The following TRAPPC3L variants were observed in gnomAD, a reference collection of about 807,000 sequenced individuals.
The protein encoded by TRAPPC3L is trafficking protein particle complex subunit 3L, also known as trafficking protein particle complex subunit 3-like protein.
Under a neutral mutation model 23.7 loss-of-function variants are expected in TRAPPC3L, and 23 were observed. The observed-to-expected ratio is 0.97, with a 90% CI of 0.70 to 1.37. The LOEUF (loss-of-function observed/expected upper bound fraction) is 1.37. Ranked by LOEUF, TRAPPC3L falls within the 40% of genes most tolerant of loss-of-function variation. The pLI is 0.00. For missense variants in TRAPPC3L, 212 were observed against 216.8 expected (o/e 0.98, Z 0.14); for synonymous variants, 81 against 77.9 (o/e 1.04, Z -0.21).
At chr6:116,530,503 C>A (rs929658893) in intron 3 of TRAPPC3L, among the ~76,000 whole-genome samples, 4 of 152,114 alleles carry the variant, frequency 2.6e-5, no homozygotes, top group African/African-American at 9.7e-5. Flanking sequence ...CAAAGGGAAA[C>A]CTAATACTAC....
At chr6:116,535,011 G>A (rs12214460) in intron 3 of TRAPPC3L, among the ~76,000 whole-genome samples, 46,454 of 152,078 alleles carry the variant, frequency 0.31, 8,757 homozygotes, top group Middle Eastern at 0.5. Flanking sequence ...ACATGGACCT[G>A]AGAGCAAAAA....
chr6:116,522,838 C>T (rs1277651398), intron 3 of TRAPPC3L: 1 of 152,044 alleles, frequency 6.6e-6, no homozygotes, highest in African/African-American at 2.4e-5. Context: ...AATGCAGAAT[C>T]AGACAGTATC....
chr6:116,510,264 T>C (rs911359153), intron 3 of TRAPPC3L, among the ~76,000 whole-genome samples: 2 of 152,058 alleles, frequency 1.3e-5, no homozygotes, highest in Non-Finnish European at 2.9e-5. Flanking sequence ...AAAAACAGTA[T>C]GGAGATTTCT....
At chr6:116,511,785 G>C (rs1319552107) in intron 3 of TRAPPC3L, 2 of 1,614,100 alleles carry the variant, frequency 1.2e-6, no homozygotes, top group Non-Finnish European at 1.7e-6. Flanking sequence ...ACCGTGGGAA[G>C]TGAGCGTCTC....
In TRAPPC3L at chr6:116,498,072, C is replaced by A. The variant is rs114825163; in HGVS notation, c.427-999G>T. Among the ~76,000 whole-genome samples the A allele has an allele frequency of 1.4e-3, 208 of 152,328 alleles. 1 individual carries two copies. The highest frequency in any genetic ancestry group is 4.8e-3 in the African/African-American group (201 of 41,580). The stretch of plus-strand genomic sequence containing the variant: ...AAGCAACATTCATCCTCAACTTTTT[C>A]TTCCATAAGACTTTTTAAGTCTTTG... On this transcript the variant is annotated intron_variant, in intron 4 of 4. Coordinates refer to ENST00000368602, the MANE Select transcript of TRAPPC3L (RefSeq NM_001139444.3).
Position 116,500,617 on chromosome 6 carries a change from T to C in TRAPPC3L, c.290A>G (p.Asn97Ser), listed in dbSNP as rs1227309449. The C allele has an allele frequency of 6.4e-7, 1 of 1,551,642 alleles. No individual in the cohort carries two copies. Residue 97 changes from asparagine to serine, a missense_variant, in exon 4 of 5, where the codon AAT (asparagine) becomes AGT (serine). Physicochemically the swap from Asn to Ser is conservative, Grantham distance 46 (BLOSUM62 1). Coordinates refer to ENST00000368602, the MANE Select transcript of TRAPPC3L (RefSeq NM_001139444.3). ...LGITPSVTCN[N>S]SSKNEFSLIL... Reference sequence around the variant, plus strand: ...CAGGGAAAATTCATTTTTGCTTGAATTGTTACAGGTCACACTTGGTGTAAT... The same window carrying C: ...CAGGGAAAATTCATTTTTGCTTGAACTGTTACAGGTCACACTTGGTGTAAT...
chr6:116,502,030 A>C (rs555262883), intron 3 of TRAPPC3L, among the ~76,000 whole-genome samples: 17 of 152,348 alleles, frequency 1.1e-4, no homozygotes, highest in Admixed American at 1.3e-4. Flanking sequence ...TGAATTTGAC[A>C]AGTTGACAGA....
chr6:116,515,502 A>G, intron 3 of TRAPPC3L: 2 of 1,257,198 alleles, frequency 1.6e-6, no homozygotes. Flanking sequence ...TATGTCAAAG[A>G]CTGTGGTAAT....
intron 4 of TRAPPC3L, among the ~76,000 whole-genome samples, chr6:116,499,095 C>T (rs573915522): frequency 6.6e-6 from 1 of 152,312 alleles, no homozygotes; most frequent in South Asian, 2.1e-4. Context: ...TTGTCTCTAC[C>T]AAGCCCAGAT....
At chr6:116,536,345 C>G (rs1562350901) in intron 3 of TRAPPC3L, among the ~76,000 whole-genome samples, 2 of 152,072 alleles carry the variant, frequency 1.3e-5, no homozygotes, top group African/African-American at 4.8e-5. Flanking sequence ...CTTAAGTCTA[C>G]TACTTGTTAA....
chr6:116,529,873 G>A lies in TRAPPC3L; in HGVS notation c.240+10490C>T, dbSNP rs1482333819. ...TTTCTGAGCCTATACCATAAAGTAA[G>A]TTGTGTGTAAGAGGAGTGTGTGCGG... On this transcript the variant is annotated intron_variant, in intron 3 of 4. Transcript: ENST00000368602. Among the ~76,000 whole-genome samples the A allele has an allele frequency of 5.9e-5, 9 of 152,188 alleles. No homozygotes were observed. In the East Asian group the frequency reaches 1.7e-3, roughly 29 times the overall value.
At chr6:116,507,710 A>G (rs1327729879) in intron 3 of TRAPPC3L, among the ~76,000 whole-genome samples, 1 of 152,170 alleles carries the variant, frequency 6.6e-6, no homozygotes, top group Non-Finnish European at 1.5e-5. Flanking sequence ...CCTGTGGGTA[A>G]CAGGGGACTA....
At chr6:116,503,891 A>G (rs1771960992) in intron 3 of TRAPPC3L, among the ~76,000 whole-genome samples, 1 of 152,208 alleles carries the variant, frequency 6.6e-6, no homozygotes, top group African/African-American at 2.4e-5. Flanking sequence ...AGGGAAATTT[A>G]TAGCACTAAA....
Position 116,540,546 on chromosome 6 carries a change from T to C in TRAPPC3L, c.141-84A>G, listed in dbSNP as rs1773386066. On this transcript the variant is annotated intron_variant, in intron 2 of 4. Transcript: ENST00000368602. ...GTTTTTAAGAAGCGATTTGTGTGTTTAGCACTTGTGCAAGTGAATCACAAA... is the reference window on the plus strand; with the variant it reads ...GTTTTTAAGAAGCGATTTGTGTGTTCAGCACTTGTGCAAGTGAATCACAAA... 4.4e-6 allele frequency: 6 copies of C among 1,363,540 alleles called. No homozygotes were observed. The East Asian group carries it at 1.3e-4, about 28-fold the overall frequency. 84.5% of individuals were successfully genotyped at this position (1,363,540 alleles called of 1,614,324 possible).
At chr6:116,513,288 G>A (rs938842660) in intron 3 of TRAPPC3L, among the ~76,000 whole-genome samples, 4 of 152,124 alleles carry the variant, frequency 2.6e-5, no homozygotes, top group Non-Finnish European at 4.4e-5. Flanking sequence ...TTCATAAATT[G>A]ATAAGTCAAA....
intron 3 of TRAPPC3L, among the ~76,000 whole-genome samples, chr6:116,528,157 T>C (rs1398655225): frequency 6.6e-6 from 1 of 152,208 alleles, no homozygotes; most frequent in Non-Finnish European, 1.5e-5. Context: ...GATTCTTCTC[T>C]GTGATGAAAG....
intron 3 of TRAPPC3L, among the ~76,000 whole-genome samples, chr6:116,534,690 T>C (rs1772962797): frequency 6.6e-6 from 1 of 152,086 alleles, no homozygotes; most frequent in African/African-American, 2.4e-5. Context: ...CTCATTCATA[T>C]TGCTTCCTAT....
intron 3 of TRAPPC3L, among the ~76,000 whole-genome samples, chr6:116,527,846 G>A (rs895484387): frequency 5.3e-5 from 8 of 152,240 alleles, no homozygotes; most frequent in African/African-American, 1.9e-4. Context: ...CCTAATGCAT[G>A]CAGGGCTTAA....
chr6:116,510,854 T>C (rs764344266), intron 3 of TRAPPC3L, among the ~76,000 whole-genome samples: 18 of 152,026 alleles, frequency 1.2e-4, no homozygotes, highest in East Asian at 1.9e-4. Flanking sequence ...TGAAATAATG[T>C]CTTTTGCAGC....
Sources: allele counts gnomAD v4.1 joint callset (sites outside exome capture counted in the v4.1 genomes callset), GRCh38; gene constraint gnomAD v4.1.1; transcripts MANE v1.5; gene names NCBI Gene and HGNC (gene_info 2026-07-23, HGNC 2026-07-21).